Variants in CDH13 observed in about 807,000 individuals in gnomAD.
The protein encoded by CDH13 is cadherin-13.
In CDH13, 24 loss-of-function variants were observed where a neutral mutation model predicts 63.8. That is an observed-to-expected ratio of 0.38 (90% CI 0.27 to 0.53). The LOEUF (loss-of-function observed/expected upper bound fraction) is 0.53. CDH13 is among the 20% of genes least tolerant of loss of function. The probability of loss-of-function intolerance (pLI) is 0.85; values close to 1 mark genes in which losing one functional copy is unlikely to be tolerated. For synonymous variants in CDH13, 503 were observed against 355.3 expected (o/e 1.42, Z -4.67); for missense variants, 1,049 against 903.1 (o/e 1.16, Z -2.07).
intron 6 of CDH13, among the ~76,000 whole-genome samples, chr16:83,441,964 G>T (rs1175959414): frequency 6.6e-6 from 1 of 152,132 alleles, no homozygotes; most frequent in African/African-American, 2.4e-5. Flanking sequence ...CTATAAGGAG[G>T]CTGGGATTGA....
At chr16:83,691,215 C>T (rs1904844100) in intron 10 of CDH13, among the ~76,000 whole-genome samples, 1 of 152,062 alleles carries the variant, frequency 6.6e-6, no homozygotes, top group Non-Finnish European at 1.5e-5. Flanking sequence ...TGCAAGCTCG[C>T]TGGAGAAGTG....
At position 83,565,434 on chromosome 16, in the gene CDH13, G is replaced by A. The variant is rs547537847; in HGVS notation, c.961-37020G>A. Among the ~76,000 whole-genome samples the A allele has an allele frequency of 3.8e-3, 497 of 130,114 alleles. 3 individuals are homozygous for A. Among genetic ancestry groups the A allele is most frequent in the African/African-American group, 0.013 (446 of 34,636 alleles). 85.4% of individuals were successfully genotyped at this position (130,114 alleles called of 152,430 possible). A position where few individuals can be genotyped will look rare whatever the true frequency, so the allele number is the denominator to read the frequency against. On this transcript the variant is annotated intron_variant, in intron 7 of 13. Coordinates refer to ENST00000567109, the MANE Select transcript of CDH13 (RefSeq NM_001257.5). ...GAGTTTTTCGGAAGGACTGATTACC[G>A]AGTCTCTTCTTTCCCCAAGAGTACT...
At chr16:83,570,136 C>G (rs142255861) in intron 7 of CDH13, among the ~76,000 whole-genome samples, 3 of 152,162 alleles carry the variant, frequency 2.0e-5, no homozygotes, top group Admixed American at 6.5e-5. Flanking sequence ...GGAAGAAGCT[C>G]TATTGTTGGC....
At chr16:83,218,464 A>C (rs2039603056) in intron 5 of CDH13, among the ~76,000 whole-genome samples, 1 of 144,772 alleles carries the variant, frequency 6.9e-6, no homozygotes, top group Non-Finnish European at 1.5e-5. Flanking sequence ...ACTTATACTC[A>C]AGGGGGAATC....
chr16:83,324,155 G>A (rs1200171614), intron 5 of CDH13, among the ~76,000 whole-genome samples: 1 of 151,434 alleles, frequency 6.6e-6, no homozygotes, highest in Non-Finnish European at 1.5e-5. Flanking sequence ...CCTTGCCTCA[G>A]CCTCCTGAGT....
At chr16:83,163,219 T>C (rs2037520184) in intron 4 of CDH13, among the ~76,000 whole-genome samples, 1 of 152,158 alleles carries the variant, frequency 6.6e-6, no homozygotes, top group South Asian at 2.1e-4. Flanking sequence ...CCAATAAACC[T>C]TTATTTTTGT....
intron 7 of CDH13, among the ~76,000 whole-genome samples, chr16:83,517,211 G>GCAAGA (rs1312469340): frequency 1.3e-5 from 2 of 152,292 alleles, no homozygotes; most frequent in African/African-American, 4.8e-5. Context: ...AGAAGTGCTT[G>GCAAGA]CAAGACAGTT....
Position 83,723,798 on chromosome 16 carries a change from G to C in CDH13, c.1539-24310G>C, listed in dbSNP as rs188297238. Among the ~76,000 whole-genome samples the C allele has an allele frequency of 5.1e-3, 761 of 149,718 alleles. 3 individuals carry two copies. The highest frequency in any genetic ancestry group is 0.014 in the Middle Eastern group (4 of 288). On this transcript the variant is annotated intron_variant, in intron 10 of 13. Coordinates refer to ENST00000567109, the MANE Select transcript of CDH13 (RefSeq NM_001257.5). ...ATATGCAGAGTAAAGAAGAATGTCT[G>C]ACATATAATAGCTACACAATAAATA...
chr16:83,180,952 C>T, intron 4 of CDH13: 2 of 1,531,118 alleles, frequency 1.3e-6, no homozygotes, highest in African/African-American at 1.4e-5. Flanking sequence ...ACAATTTTAG[C>T]AATTTAATGA....
chr16:83,346,311 T>C (rs917280072), intron 6 of CDH13, among the ~76,000 whole-genome samples: 12 of 152,132 alleles, frequency 7.9e-5, no homozygotes, highest in Non-Finnish European at 1.5e-4. Context: ...GAGCTGCTTT[T>C]GATGGAAAGA....
At chr16:82,735,871 C>T (rs11646288) in intron 1 of CDH13, among the ~76,000 whole-genome samples, 51,967 of 152,062 alleles carry the variant, frequency 0.34, 9,530 homozygotes, top group South Asian at 0.44. Context: ...ATCTAATGGG[C>T]TTTGCTTACA....
chr16:83,457,660 G>A (rs976128394), intron 6 of CDH13, among the ~76,000 whole-genome samples: 2 of 151,992 alleles, frequency 1.3e-5, no homozygotes, highest in Non-Finnish European at 2.9e-5. Context: ...GATGAGTTCA[G>A]GGCTTGAGGC....
intron 6 of CDH13, among the ~76,000 whole-genome samples, chr16:83,452,256 G>C (rs1210782809): frequency 1.3e-5 from 2 of 152,180 alleles, no homozygotes; most frequent in Non-Finnish European, 2.9e-5. Context: ...GGTTGTGTTT[G>C]TGTTTTCTTG....
At chr16:82,693,289 T>G (rs1289135550) in intron 1 of CDH13, among the ~76,000 whole-genome samples, 2 of 152,214 alleles carry the variant, frequency 1.3e-5, no homozygotes, top group Non-Finnish European at 2.9e-5. Context: ...CCTCTTTATT[T>G]TAAGCTTCTT....
At chr16:82,916,893 T>C (rs2042007432) in intron 2 of CDH13, among the ~76,000 whole-genome samples, 1 of 152,210 alleles carries the variant, frequency 6.6e-6, no homozygotes. Context: ...TTAAATAAAA[T>C]GAAATTGACC....
At position 83,315,232 on chromosome 16, in the gene CDH13, C is replaced by A. The variant is rs563716208; in HGVS notation, c.637-29630C>A. ...GTCTTACCAGTAAACTCCGCTGAAT[C>A]CGAGGAAGGGCCTTAGGCCTTCTGG... On this transcript the variant is annotated intron_variant, in intron 5 of 13. Transcript: ENST00000567109. Among the ~76,000 whole-genome samples the A allele has an allele frequency of 3.3e-5, 5 of 152,330 alleles. No individual in the cohort carries two copies. The South Asian group carries it at 6.2e-4, about 19-fold the overall frequency.
rs138346142 is a variant in CDH13, at chr16:82,673,958, T to A, written c.45+46821T>A. Among the ~76,000 whole-genome samples the A allele has an allele frequency of 4.6e-3, 708 of 152,336 alleles. 5 individuals are homozygous for A. Among genetic ancestry groups the A allele is most frequent in the African/African-American group, 0.016 (686 of 41,584 alleles). ...ATGTGAGTTGGTTTAGTTTGTTAAT[T>A]AAGCCTATGGAACAAAAGTGTTCTT... On this transcript the variant is annotated intron_variant, in intron 1 of 13. Transcript: ENST00000567109.
intron 3 of CDH13, among the ~76,000 whole-genome samples, chr16:83,114,852 T>C (rs547983010): frequency 5.3e-5 from 8 of 152,214 alleles, no homozygotes; most frequent in African/African-American, 1.9e-4. Context: ...GCATACAAAA[T>C]GTGAATTGAG....
chr16:83,482,020 G>T (rs1202137876), intron 6 of CDH13, among the ~76,000 whole-genome samples: 1 of 152,162 alleles, frequency 6.6e-6, no homozygotes, highest in African/African-American at 2.4e-5. Flanking sequence ...TCAGCCCTGG[G>T]CATAGCATTG....
Sources: gnomAD v4.1 joint callset for allele counts (sites outside exome capture counted in the v4.1 genomes callset) on GRCh38, gnomAD v4.1.1 for gene constraint, MANE v1.5 for transcripts, NCBI Gene and HGNC (gene_info 2026-07-23, HGNC 2026-07-21) for gene names.